The following FTO variants were observed in gnomAD, a reference collection of about 807,000 sequenced individuals.
FTO encodes the protein alpha-ketoglutarate-dependent dioxygenase FTO.
Under a neutral mutation model 63.9 loss-of-function variants are expected in FTO, and 47 were observed. The observed-to-expected ratio is 0.74, with a 90% CI of 0.58 to 0.94. The LOEUF is 0.94. FTO is among the 40% of genes least tolerant of loss of function. FTO has a pLI of 0.00. For missense variants in FTO, 562 were observed against 618.1 expected (o/e 0.91, Z 0.96); for synonymous variants, 207 against 224.4 (o/e 0.92, Z 0.69).
intron 4 of FTO, among the ~76,000 whole-genome samples, chr16:53,851,667 A>C (rs1189348893): frequency 6.6e-6 from 1 of 152,212 alleles, no homozygotes; most frequent in Non-Finnish European, 1.5e-5. Context: ...TTTAAAAAAC[A>C]TAAATGATAC....
chr16:53,998,617 A>AT (rs1236926386), intron 8 of FTO: 2 of 152,184 alleles, frequency 1.3e-5, no homozygotes, highest in African/African-American at 4.8e-5. Flanking sequence ...GGTATTAACT[A>AT]TGTCACCAAG....
At chr16:53,716,254 A>C (rs1319677849) in intron 1 of FTO, among the ~76,000 whole-genome samples, 1 of 152,206 alleles carries the variant, frequency 6.6e-6, no homozygotes, top group African/African-American at 2.4e-5. Flanking sequence ...GTTTTCCAAA[A>C]ATGTTTTGAT....
At chr16:53,961,501 G>A (rs1167041075) in intron 8 of FTO, among the ~76,000 whole-genome samples, 1 of 152,150 alleles carries the variant, frequency 6.6e-6, no homozygotes, top group East Asian at 1.9e-4. Context: ...GGAGAAAATT[G>A]CAACAAGTAT....
At chr16:54,048,125 T>A (rs868862558) in intron 8 of FTO, among the ~76,000 whole-genome samples, 468 of 34,380 alleles carry the variant, frequency 0.014, 2 homozygotes, top group African/African-American at 0.03. Flanking sequence ...AAAAAAAAAA[T>A]TAAAAAAAAA....
chr16:53,984,839 C>A, intron 8 of FTO: 1 of 429,616 alleles, frequency 2.3e-6, no homozygotes, highest in South Asian at 1.7e-5. Context: ...AATATTGATT[C>A]TTTTGGTGTC....
Position 53,850,134 on chromosome 16 carries a change from A to G in FTO, c.895+5836A>G, listed in dbSNP as rs540848389. 8.6e-4 allele frequency among the ~76,000 whole-genome samples: 131 copies of G among 152,336 alleles called. 1 individual carries two copies. Among genetic ancestry groups the G allele is most frequent in the Non-Finnish European group, 1.5e-3 (100 of 68,038 alleles). The stretch of plus-strand genomic sequence containing the variant: ...ATAATACAGAAACCAGTAATAAATT[A>G]TAACTTCAGGCTGCAGTTGGTAAGC... On this transcript the variant is annotated intron_variant, in intron 4 of 8. Transcript: ENST00000471389.
chr16:53,874,926 C>T (rs913744841), intron 5 of FTO, among the ~76,000 whole-genome samples: 4 of 152,138 alleles, frequency 2.6e-5, no homozygotes. Context: ...GTCAACATGC[C>T]CATGATGCCC....
At chr16:53,989,074 C>T (rs1041499313) in intron 8 of FTO, among the ~76,000 whole-genome samples, 3 of 152,070 alleles carry the variant, frequency 2.0e-5, no homozygotes, top group East Asian at 1.9e-4. Flanking sequence ...CTAAGTAGCC[C>T]GCCAAGGAGG....
intron 3 of FTO, among the ~76,000 whole-genome samples, chr16:53,833,210 T>C (rs2079191740): frequency 6.6e-6 from 1 of 152,236 alleles, no homozygotes; most frequent in African/African-American, 2.4e-5. Context: ...CCTCCTGCCA[T>C]GATTCAGAGG....
chr16:54,020,497 T>C (rs2084565052), intron 8 of FTO, among the ~76,000 whole-genome samples: 1 of 152,228 alleles, frequency 6.6e-6, no homozygotes, highest in African/African-American at 2.4e-5. Flanking sequence ...TCTATGATAT[T>C]ACATACCTTT....
In FTO at chr16:54,121,691, T is replaced by A. The variant is rs965359507; in HGVS notation, c.*9776T>A. 4 of 152,210 alleles carry A rather than the reference T, an allele frequency of 2.6e-5. No individual in the cohort carries two copies. The highest frequency in any genetic ancestry group is 5.9e-5 in the Non-Finnish European group (4 of 68,074). The allele number at this position is 152,210 out of a possible 1,614,324, so 9.4% of individuals were successfully genotyped here. A position where few individuals can be genotyped will look rare whatever the true frequency, so the allele number is the denominator to read the frequency against. ...TGCGAAGATTATTCCAATGCCTCAT[T>A]CGGAGAGGTGATAATCTGGTCTGTG... On this transcript the variant is annotated 3_prime_UTR_variant, in exon 9 of 9. Transcript: ENST00000471389.
intron 1 of FTO, among the ~76,000 whole-genome samples, chr16:53,749,186 C>T (rs1272762697): frequency 6.6e-6 from 1 of 152,138 alleles, no homozygotes; most frequent in African/African-American, 2.4e-5. Context: ...TAATTGTATT[C>T]ATTTATTAGT....
At chr16:53,798,162 GT>G (rs1193055286) in intron 1 of FTO, among the ~76,000 whole-genome samples, 2 of 151,984 alleles carry the variant, frequency 1.3e-5, no homozygotes, top group Non-Finnish European at 2.9e-5. Context: ...CCATTTATCT[GT>G]TTGTTTAGTA....
intron 8 of FTO, among the ~76,000 whole-genome samples, chr16:54,075,339 A>G (rs184189316): frequency 1.3e-5 from 2 of 152,312 alleles, no homozygotes; most frequent in East Asian, 1.9e-4. Context: ...TAAAAAAGAT[A>G]TATGAAAAAG....
At chr16:53,888,978 T>A (rs1416201966) in intron 7 of FTO, 27 bp downstream of exon 7, 1 of 1,612,786 alleles carries the variant, frequency 6.2e-7, no homozygotes, top group African/African-American at 1.3e-5. Context: ...TGGGACCGTG[T>A]TTTCTGGGCT....
chr16:53,708,923 TC>T (rs1208668404), intron 1 of FTO, among the ~76,000 whole-genome samples: 6 of 152,350 alleles, frequency 3.9e-5, no homozygotes, highest in African/African-American at 1.4e-4. Flanking sequence ...TAGATATAAA[TC>T]CTTTGTTTAC....
chr16:53,843,617 TTA>T (rs2079535145), intron 3 of FTO, among the ~76,000 whole-genome samples: 1 of 152,204 alleles, frequency 6.6e-6, no homozygotes, highest in Non-Finnish European at 1.5e-5. Context: ...TCTTGCTTGT[TTA>T]TATTTCCATG....
At chr16:54,065,339 C>CT (rs1285609441) in intron 8 of FTO, among the ~76,000 whole-genome samples, 2 of 151,556 alleles carry the variant, frequency 1.3e-5, no homozygotes, top group Non-Finnish European at 2.9e-5. Flanking sequence ...AATTTTTAAA[C>CT]TTTTTTTAGG....
At chr16:53,772,625 A>G (rs2077365253) in intron 1 of FTO, among the ~76,000 whole-genome samples, 2 of 152,244 alleles carry the variant, frequency 1.3e-5, no homozygotes, top group South Asian at 2.1e-4. Context: ...TCTTTTCACT[A>G]GACCATTAGC....
Sources: gnomAD v4.1 joint callset for allele counts (sites outside exome capture counted in the v4.1 genomes callset) on GRCh38, gnomAD v4.1.1 for gene constraint, MANE v1.5 for transcripts, NCBI Gene and HGNC (gene_info 2026-07-23, HGNC 2026-07-21) for gene names.